CREBBP: variants seen among roughly 807,000 people sequenced by gnomAD.
CREBBP encodes CREB binding lysine acetyltransferase.
CREBBP carries 19 observed loss-of-function variants against 265.0 expected under a neutral mutation model. The ratio of observed to expected loss-of-function variants is 0.07; its 90% CI spans 0.05 to 0.11. The LOEUF (loss-of-function observed/expected upper bound fraction) is 0.11. CREBBP is among the 10% of genes least tolerant of loss of function. The pLI is 1.00. For missense variants in CREBBP, 2,525 were observed against 3,219.0 expected, an observed-to-expected ratio of 0.78 and a Z score of 5.22; for synonymous variants, 1,457 against 1,223.7, an observed-to-expected ratio of 1.19 and a Z score of -3.98.
chr16:3,871,436 A>C (rs1469644199), intron 1 of CREBBP, among the ~76,000 whole-genome samples: 1 of 152,212 alleles, frequency 6.6e-6, no homozygotes, highest in African/African-American at 2.4e-5. Context: ...TCAGGTGACA[A>C]ATACTCAAAA....
chr16:3,787,891 G>C (rs2053423293), intron 5 of CREBBP, among the ~76,000 whole-genome samples: 1 of 152,150 alleles, frequency 6.6e-6, no homozygotes, highest in Admixed American at 6.5e-5. Flanking sequence ...GCTCAGGCTG[G>C]TGTTGAACAT....
At chr16:3,735,869 C>T (rs974078828) in intron 28 of CREBBP, among the ~76,000 whole-genome samples, 167 bp downstream of exon 28, 3 of 152,186 alleles carry the variant, frequency 2.0e-5, no homozygotes, top group Non-Finnish European at 2.9e-5. Context: ...GTGCAGAGCC[C>T]ACACTGCTGC....
At chr16:3,821,947 G>A (rs1471274358) in intron 2 of CREBBP, among the ~76,000 whole-genome samples, 1 of 152,120 alleles carries the variant, frequency 6.6e-6, no homozygotes, top group Admixed American at 6.5e-5. Flanking sequence ...ATCGCTTAAG[G>A]AGAGGCTTAG....
intron 2 of CREBBP, among the ~76,000 whole-genome samples, chr16:3,843,210 T>G (rs1185596520): frequency 1.3e-5 from 2 of 152,174 alleles, no homozygotes; most frequent in South Asian, 4.1e-4. Flanking sequence ...GTTCTGCCAC[T>G]CACTGGCAGC....
chr16:3,804,568 C>A (rs1025864605), intron 3 of CREBBP, among the ~76,000 whole-genome samples: 2 of 152,244 alleles, frequency 1.3e-5, no homozygotes, highest in African/African-American at 4.8e-5. Context: ...CTAGCTACGA[C>A]TGACCTCACC....
chr16:3,802,268 C>G (rs1354693334), intron 3 of CREBBP, among the ~76,000 whole-genome samples: 2 of 151,216 alleles, frequency 1.3e-5, no homozygotes, highest in Non-Finnish European at 2.9e-5. Context: ...AGTAGCTGGA[C>G]TTACAGACGT....
At chr16:3,849,426 T>TG (rs1567360072) in intron 2 of CREBBP, among the ~76,000 whole-genome samples, 11 of 7,778 alleles carry the variant, frequency 1.4e-3, no homozygotes, top group East Asian at 0.033. Context: ...TGTGTGTGTG[T>TG]GTGTGTGTGT....
At chr16:3,830,280 T>C (rs9934758) in intron 2 of CREBBP, among the ~76,000 whole-genome samples, 130,101 of 152,020 alleles carry the variant, frequency 0.86, 55,959 homozygotes, top group African/African-American at 0.96. Context: ...TGCCTGTGGT[T>C]CCAGCTACTC....
intron 19 of CREBBP, among the ~76,000 whole-genome samples, chr16:3,757,036 T>C (rs373643487): frequency 1.3e-5 from 2 of 150,958 alleles, no homozygotes; most frequent in Non-Finnish European, 2.9e-5. Flanking sequence ...ACTTTTTCTC[T>C]TTTTTTTTCT....
Position 3,795,805 on chromosome 16 carries a change from T to C in CREBBP, c.976-2179A>G, listed in dbSNP as rs561094410. Among the ~76,000 whole-genome samples, 16 of 152,292 alleles carry C rather than the reference T, an allele frequency of 1.1e-4. No homozygotes were observed. In the East Asian group the frequency reaches 2.1e-3, roughly 20 times the overall value. On this transcript the variant is annotated intron_variant, in intron 3 of 30. Coordinates refer to ENST00000262367, the MANE Select transcript of CREBBP (RefSeq NM_004380.3). ...GGAGAAACACAAAATGAGCCTCATT[T>C]AGGACTCTTTCTTTTACGTTTATGA...
intron 1 of CREBBP, 98 bp downstream of exon 1, chr16:3,879,734 G>A: frequency 2.3e-6 from 3 of 1,316,282 alleles, no homozygotes; most frequent in Admixed American, 4.0e-5. Context: ...CGAGCTCCCG[G>A]CTCGATCGGT....
chr16:3,803,638 C>A (rs1425605520), intron 3 of CREBBP, among the ~76,000 whole-genome samples: 1 of 151,944 alleles, frequency 6.6e-6, no homozygotes, highest in Admixed American at 6.6e-5. Context: ...AAGCCTGAGC[C>A]CAAGGCCAAG....
At chr16:3,794,102 C>A (rs905632180) in intron 3 of CREBBP, among the ~76,000 whole-genome samples, 1 of 151,702 alleles carries the variant, frequency 6.6e-6, no homozygotes, top group African/African-American at 2.4e-5. Context: ...CCGAGGCAGG[C>A]GGATCACGAG....
chr16:3,765,713 T>A (rs914034250), intron 16 of CREBBP, among the ~76,000 whole-genome samples: 8 of 152,180 alleles, frequency 5.3e-5, no homozygotes, highest in Non-Finnish European at 1.2e-4. Flanking sequence ...AGTGACATGA[T>A]CAAGGCTCAG....
chr16:3,756,838 T>G (rs1204712191), intron 19 of CREBBP, among the ~76,000 whole-genome samples: 1 of 152,156 alleles, frequency 6.6e-6, no homozygotes, highest in East Asian at 1.9e-4. Context: ...AGAGTTACTC[T>G]CAACTTCAGA....
At chr16:3,792,922 T>C (rs1229123900) in intron 4 of CREBBP, among the ~76,000 whole-genome samples, 2 of 152,192 alleles carry the variant, frequency 1.3e-5, no homozygotes, top group African/African-American at 4.8e-5. Flanking sequence ...TTCGCTGTCA[T>C]CCGCACTTGC....
At chr16:3,785,060 G>A (rs763787653) in intron 5 of CREBBP, among the ~76,000 whole-genome samples, 3 of 152,218 alleles carry the variant, frequency 2.0e-5, no homozygotes, top group Non-Finnish European at 4.4e-5. Flanking sequence ...GGCTGAATTT[G>A]AAGTCCAAAT....
In CREBBP at chr16:3,767,767, T is replaced by C. The variant is rs2052892126; in HGVS notation, c.3203A>G (p.Asn1068Ser). The change falls in exon 16 of 31, where the codon AAC becomes AGC. Residue 1068 changes from asparagine (N) to serine (S), a missense_variant. Asn to Ser is a conservative substitution (Grantham distance 46). Transcript: ENST00000262367. ...EVKEEEESSS[N>S]GTASQSTSPS... ...AGATGTTGACTGAGAGGCTGTGCCG[T>C]TACTGCTACTCTCTTCTTCCTCTTT... 1 of 1,614,138 alleles carries C rather than the reference T, an allele frequency of 6.2e-7. No homozygotes were observed. The highest frequency in any genetic ancestry group is 1.1e-5 in the South Asian group (1 of 91,096).
chr16:3,783,559 G>A (rs1168472038), intron 5 of CREBBP, among the ~76,000 whole-genome samples: 11 of 152,206 alleles, frequency 7.2e-5, no homozygotes, highest in Non-Finnish European at 1.6e-4. Flanking sequence ...TGAGCTCTCC[G>A]GCTACATGAA....
Sources: gnomAD v4.1 joint callset for allele counts (sites outside exome capture counted in the v4.1 genomes callset) on GRCh38, gnomAD v4.1.1 for gene constraint, MANE v1.5 for transcripts, NCBI Gene and HGNC (gene_info 2026-07-23, HGNC 2026-07-21) for gene names.